TRIM67: variants seen among roughly 807,000 people sequenced by gnomAD.
TRIM67 encodes tripartite motif containing 67.
A neutral mutation model predicts 71.0 loss-of-function variants in TRIM67; 39 were observed. The observed-to-expected ratio is 0.55, with a 90% confidence interval of 0.43 to 0.72. The LOEUF (loss-of-function observed/expected upper bound fraction) is 0.72, where lower values mean the gene tolerates loss of function less well. TRIM67 is among the 30% of genes least tolerant of loss of function. The probability of loss-of-function intolerance (pLI) is 0.00; values close to 1 mark genes in which losing one functional copy is unlikely to be tolerated. For missense variants in TRIM67, 973 were observed against 1,079.2 expected, an observed-to-expected ratio of 0.90 and a Z score of 1.38; for synonymous variants, 481 against 473.9, an observed-to-expected ratio of 1.01 and a Z score of -0.19.
chr1:231,189,993 T>G (rs1244544381), intron 1 of TRIM67, among the ~76,000 whole-genome samples: 1 of 152,150 alleles, frequency 6.6e-6, no homozygotes, highest in Non-Finnish European at 1.5e-5. Context: ...ATTTTAGGCT[T>G]GTAAGACACA....
rs1308421941 is a variant in TRIM67 at position 231,215,956 on chromosome 1, C to G, written c.*516C>G. 6.1e-6 allele frequency: 6 copies of G among 986,586 alleles called. No homozygotes were observed. The highest frequency in any genetic ancestry group is 7.2e-6 in the Non-Finnish European group (6 of 830,864). 61.1% of individuals were successfully genotyped at this position (986,586 alleles called of 1,614,324 possible). A position where few individuals can be genotyped will look rare whatever the true frequency, so the allele number is the denominator to read the frequency against. ...GAAAGTTATCTTTTAGCTTCTTGGT[C>G]CTAGAGTCTTTAGTAGCACCTGCCA... On this transcript the variant is annotated 3_prime_UTR_variant, in exon 10 of 10. Coordinates refer to ENST00000366653, the MANE Select transcript of TRIM67 (RefSeq NM_001004342.5).
chr1:231,173,477 C>A (rs950150927), intron 1 of TRIM67, among the ~76,000 whole-genome samples: 7 of 152,156 alleles, frequency 4.6e-5, no homozygotes, highest in African/African-American at 1.7e-4. Context: ...GACTTGAAGA[C>A]TGGATGGGAA....
intron 1 of TRIM67, among the ~76,000 whole-genome samples, chr1:231,169,776 G>A (rs1372742226): frequency 5.3e-5 from 8 of 152,068 alleles, no homozygotes; most frequent in Non-Finnish European, 8.8e-5. Flanking sequence ...CCCCAGACTG[G>A]CTAAGAACCA....
intron 1 of TRIM67, among the ~76,000 whole-genome samples, chr1:231,193,773 A>G (rs1428033431): frequency 6.6e-6 from 1 of 152,018 alleles, no homozygotes; most frequent in African/African-American, 2.4e-5. Context: ...ACATGGCAAG[A>G]GAGGAATTGA....
intron 1 of TRIM67, 130 bp from the exon 2 acceptor site, chr1:231,197,241 T>A: frequency 1.5e-6 from 1 of 670,452 alleles, no homozygotes; most frequent in Non-Finnish European, 2.6e-6. Context: ...GGTCCCTTCA[T>A]CAATGAGAAC....
intron 1 of TRIM67, among the ~76,000 whole-genome samples, chr1:231,179,765 C>A (rs549528482): frequency 1.8e-4 from 28 of 152,298 alleles, no homozygotes; most frequent in African/African-American, 6.7e-4. Flanking sequence ...ACTCTGTGAA[C>A]ATATTCAGCC....
chr1:231,169,310 C>G (rs111940853), intron 1 of TRIM67, among the ~76,000 whole-genome samples: 5,907 of 151,802 alleles, frequency 0.039, 197 homozygotes, highest in African/African-American at 0.089. Context: ...CCGCCTTGGC[C>G]TCCCAAACTG....
At position 231,164,024 on chromosome 1, in the gene TRIM67, G is replaced by T; in HGVS notation, c.1044+11G>T. On this transcript the variant is annotated intron_variant, in intron 1 of 9. Transcript: ENST00000366653. ...TGGAAGCAGCACAAGGTGAGCCCGC[G>T]GGACGCGGGAGTGCAGGTGCCAGGG... The T allele has an allele frequency of 6.7e-7, 1 of 1,493,620 alleles. No homozygotes were observed. Among genetic ancestry groups the T allele is most frequent in the Non-Finnish European group, 9.0e-7 (1 of 1,112,284 alleles). The allele number at this position is 1,493,620 out of a possible 1,614,324, so 92.5% of individuals were successfully genotyped here.
Position 231,219,121 on chromosome 1 carries a change from G to C in TRIM67, c.*3681G>C, listed in dbSNP as rs1430524847. On this transcript the variant is annotated 3_prime_UTR_variant, in exon 10 of 10. Coordinates refer to ENST00000366653, the MANE Select transcript of TRIM67 (RefSeq NM_001004342.5). The stretch of plus-strand genomic sequence containing the variant: ...GTAGTGAGGGAGGGTCAATCCTTAG[G>C]GGGAGTCAACATGTGAATGCTAAAG... 1.0e-6 allele frequency: 1 copy of C among 985,430 alleles called. No homozygotes were observed. The highest frequency in any genetic ancestry group is 1.2e-6 in the Non-Finnish European group (1 of 829,998). The allele number at this position is 985,430 out of a possible 1,614,324, so 61.0% of individuals were successfully genotyped here.
rs572567976 is a variant in TRIM67, at chr1:231,212,272, A to G, written c.2124-1543A>G. ...AAATCTTTCATTATAATTAGATATA[A>G]GGTCTATGCCGGACACGAACTCAAG... On this transcript the variant is annotated intron_variant, in intron 8 of 9. Coordinates refer to ENST00000366653, the MANE Select transcript of TRIM67 (RefSeq NM_001004342.5). Among the ~76,000 whole-genome samples, 625 of 152,302 alleles carry G rather than the reference A, an allele frequency of 4.1e-3. 3 individuals are homozygous for G. Among genetic ancestry groups the G allele is most frequent in the African/African-American group, 0.014 (599 of 41,572 alleles).
At chr1:231,201,922 T>C (rs560084450) in intron 5 of TRIM67, among the ~76,000 whole-genome samples, 147 of 92,372 alleles carry the variant, frequency 1.6e-3, no homozygotes, top group Admixed American at 4.7e-3. Context: ...AAATGTATAA[T>C]AGAATGTTGG....
At position 231,170,075 on chromosome 1, in the gene TRIM67, C is replaced by T. The variant is rs575379014; in HGVS notation, c.1044+6062C>T. 6.0e-5 allele frequency among the ~76,000 whole-genome samples: 9 copies of T among 150,406 alleles called. No homozygotes were observed. In the South Asian group the frequency reaches 1.9e-3, roughly 31 times the overall value. ...AATCTCGGCTCACTGCAACCTCCGC[C>T]TCCTGGGTTCAAGAGATTCTCCTGC... On this transcript the variant is annotated intron_variant, in intron 1 of 9. Coordinates refer to ENST00000366653, the MANE Select transcript of TRIM67 (RefSeq NM_001004342.5).
intron 1 of TRIM67, 117 bp from the exon 2 acceptor site, chr1:231,197,253 GC>G (rs1683389430): frequency 1.1e-5 from 8 of 719,482 alleles, no homozygotes; most frequent in Non-Finnish European, 1.9e-5. Flanking sequence ...AATGAGAACA[GC>G]AGATGCGTGG....
At chr1:231,186,273 C>A in intron 1 of TRIM67, 1 of 1,023,256 alleles carries the variant, frequency 9.8e-7, no homozygotes, top group African/African-American at 1.6e-5. Flanking sequence ...GAAGGAGGAG[C>A]ACATCTCTAG....
chr1:231,195,863 G>A (rs922237452), intron 1 of TRIM67, among the ~76,000 whole-genome samples: 9 of 152,208 alleles, frequency 5.9e-5, no homozygotes, highest in East Asian at 5.8e-4. Context: ...AGCCAGAGAC[G>A]GTGCACTTCA....
At position 231,199,145 on chromosome 1, in the gene TRIM67, T is replaced by C. The variant is rs1683453635; in HGVS notation, c.1239T>C (p.Thr413=). The C allele has an allele frequency of 1.2e-6, 2 of 1,613,946 alleles. No individual in the cohort carries two copies. The highest frequency in any genetic ancestry group is 1.6e-4 in the Middle Eastern group (1 of 6,062). The change falls in exon 3 of 10, where the codon ACT becomes ACC. Residue 413 remains threonine (T), a synonymous_variant. Transcript: ENST00000366653. ...AAGCCAAGCTGCTCACCAAGGTGAC[T>C]AAAGAGAGGGAACACAAGTTGAAGG... The part of the protein sequence containing the change: ...RQKAKLLTKV[T]KEREHKLKMV...
chr1:231,199,755 A>G (rs148663694), intron 3 of TRIM67, among the ~76,000 whole-genome samples: 95 of 152,336 alleles, frequency 6.2e-4, no homozygotes, highest in Non-Finnish European at 8.1e-4. Flanking sequence ...GGAGGAATGC[A>G]TGCTGGAGTT....
chr1:231,217,505 C>A lies in TRIM67; in HGVS notation c.*2065C>A. The A allele has an allele frequency of 9.9e-7, 1 of 1,005,506 alleles. No homozygotes were observed. Among genetic ancestry groups the A allele is most frequent in the Admixed American group, 5.6e-5 (1 of 17,956 alleles). The allele number at this position is 1,005,506 out of a possible 1,614,324, so 62.3% of individuals were successfully genotyped here. On this transcript the variant is annotated 3_prime_UTR_variant, in exon 10 of 10. Coordinates refer to ENST00000366653, the MANE Select transcript of TRIM67 (RefSeq NM_001004342.5). ...CTTTGCTTGGAGCATGGAGACGATC[C>A]CTAAAGATTGAGGATGAAGAGGAGC...
intron 1 of TRIM67, among the ~76,000 whole-genome samples, chr1:231,189,816 T>A (rs1045358177): frequency 2.6e-5 from 4 of 151,930 alleles, no homozygotes; most frequent in African/African-American, 7.3e-5. Context: ...ATTCAACATA[T>A]GAATCTGGGG....
Sources: gnomAD v4.1 joint callset for allele counts (sites outside exome capture counted in the v4.1 genomes callset) on GRCh38, gnomAD v4.1.1 for gene constraint, MANE v1.5 for transcripts, NCBI Gene and HGNC (gene_info 2026-07-23, HGNC 2026-07-21) for gene names.